The following TAFA2 variants were observed in gnomAD, a reference collection of about 807,000 sequenced individuals.
The protein encoded by TAFA2 is TAFA chemokine like family member 2, also known as chemokine-like protein TAFA-2.
A neutral mutation model predicts 18.8 loss-of-function variants in TAFA2; 7 were observed. That is an observed-to-expected ratio of 0.37 (90% CI 0.21 to 0.70). TAFA2 has a LOEUF of 0.70. Among genes scored for constraint, TAFA2 ranks in the 30% least tolerant of loss-of-function variants. The probability of loss-of-function intolerance (pLI) is 0.53; values close to 1 mark genes in which losing one functional copy is unlikely to be tolerated. For synonymous variants in TAFA2, 60 were observed against 54.2 expected (o/e 1.11, Z -0.47); for missense variants, 122 against 158.1 (o/e 0.77, Z 1.23).
intron 1 of TAFA2, among the ~76,000 whole-genome samples, chr12:62,054,694 C>T (rs1183027365): frequency 6.6e-6 from 1 of 152,186 alleles, no homozygotes; most frequent in African/African-American, 2.4e-5. Context: ...TGCTACTTTA[C>T]ATAAAACAAT....
chr12:61,967,374 A>G (rs928777673), intron 1 of TAFA2, among the ~76,000 whole-genome samples: 2 of 151,872 alleles, frequency 1.3e-5, no homozygotes, highest in African/African-American at 4.8e-5. Context: ...GAGCAAGGTC[A>G]AAGTCCTTAC....
At chr12:62,173,514 T>C (rs1424128249) in intron 1 of TAFA2, among the ~76,000 whole-genome samples, 1 of 152,196 alleles carries the variant, frequency 6.6e-6, no homozygotes, top group African/African-American at 2.4e-5. Context: ...CATTCTACAA[T>C]ATACCCCATC....
intron 1 of TAFA2, among the ~76,000 whole-genome samples, chr12:62,077,378 A>G (rs1211632946): frequency 6.6e-6 from 1 of 152,220 alleles, no homozygotes; most frequent in Non-Finnish European, 1.5e-5. Flanking sequence ...ATAAGAGTAA[A>G]TTAAAAATTA....
At chr12:62,225,231 A>G (rs904994749) in intron 1 of TAFA2, among the ~76,000 whole-genome samples, 1 of 152,230 alleles carries the variant, frequency 6.6e-6, no homozygotes, top group East Asian at 1.9e-4. Context: ...AAATTGATCA[A>G]ATATAATGAG....
Position 61,753,730 on chromosome 12 carries a change from C to G in TAFA2, c.276G>C (p.Gln92His), listed in dbSNP as rs1191327573. The change falls in exon 4 of 5, where the codon CAG becomes CAC. Residue 92 changes from glutamine (Q) to histidine (H), a missense_variant. Coordinates refer to ENST00000416284, the MANE Select transcript of TAFA2 (RefSeq NM_178539.5). ...PSCVDASIVE[Q>H]KWWCHMQPCL... is the part of the protein sequence containing the mutation. ...ATGGCTGCATATGGCACCACCATTT[C>G]TGTTCCACTATTGAAGCTATAAGAG... 3 of 1,611,356 alleles carry G rather than the reference C, an allele frequency of 1.9e-6. No individual in the cohort carries two copies. Among genetic ancestry groups the G allele is most frequent in the Non-Finnish European group, 2.5e-6 (3 of 1,178,616 alleles).
At chr12:61,856,959 A>G (rs1349348725) in intron 2 of TAFA2, among the ~76,000 whole-genome samples, 1 of 151,792 alleles carries the variant, frequency 6.6e-6, no homozygotes, top group East Asian at 1.9e-4. Flanking sequence ...ACACAAATCT[A>G]TAAATACAGT....
At chr12:62,141,907 A>T (rs939147816) in intron 1 of TAFA2, among the ~76,000 whole-genome samples, 1 of 152,204 alleles carries the variant, frequency 6.6e-6, no homozygotes, top group Non-Finnish European at 1.5e-5. Context: ...AAAACCACAA[A>T]CAAAATCTTC....
intron 1 of TAFA2, among the ~76,000 whole-genome samples, chr12:62,206,028 G>A (rs777004960): frequency 2.0e-5 from 3 of 151,948 alleles, no homozygotes; most frequent in Non-Finnish European, 4.4e-5. Context: ...GCTTTTCCTC[G>A]CTCTCCATGG....
chr12:62,008,820 C>T (rs1447788053), intron 1 of TAFA2, among the ~76,000 whole-genome samples: 1 of 152,128 alleles, frequency 6.6e-6, no homozygotes, highest in Admixed American at 6.5e-5. Context: ...TTATTGCCAA[C>T]ATTTTAGGCC....
chr12:62,072,777 C>A (rs1882666001), intron 1 of TAFA2, among the ~76,000 whole-genome samples: 1 of 152,052 alleles, frequency 6.6e-6, no homozygotes, highest in Non-Finnish European at 1.5e-5. Flanking sequence ...CAGAGTGAGA[C>A]CTTGTCTAAA....
chr12:62,173,964 G>A (rs2062495473), intron 1 of TAFA2, among the ~76,000 whole-genome samples: 1 of 152,176 alleles, frequency 6.6e-6, no homozygotes, highest in Non-Finnish European at 1.5e-5. Context: ...CAACACATAT[G>A]CAGTAGTTAA....
chr12:62,247,790 T>C (rs557290166), intron 1 of TAFA2, among the ~76,000 whole-genome samples: 111 of 152,084 alleles, frequency 7.3e-4, no homozygotes, highest in Non-Finnish European at 1.3e-3. Flanking sequence ...ATCAGGCAAA[T>C]GACACATTCA....
At chr12:61,877,945 A>G (rs1209130707) in intron 1 of TAFA2, 5 of 390,362 alleles carry the variant, frequency 1.3e-5, no homozygotes, top group East Asian at 1.4e-4. Context: ...ACACACATAC[A>G]TATACATATA....
intron 1 of TAFA2, among the ~76,000 whole-genome samples, chr12:61,884,689 A>T (rs1183122098): frequency 6.6e-6 from 1 of 152,154 alleles, no homozygotes; most frequent in Non-Finnish European, 1.5e-5. Flanking sequence ...ACTCCATATA[A>T]ATACAAAAGA....
intron 1 of TAFA2, among the ~76,000 whole-genome samples, chr12:62,182,129 T>G (rs917474038): frequency 2.6e-5 from 4 of 152,162 alleles, no homozygotes; most frequent in African/African-American, 9.7e-5. Flanking sequence ...AAAATTGACT[T>G]TGTATACTAG....
At chr12:61,876,649 C>T (rs1423910947) in intron 1 of TAFA2, among the ~76,000 whole-genome samples, 2 of 151,924 alleles carry the variant, frequency 1.3e-5, no homozygotes, top group South Asian at 2.1e-4. Context: ...CCTTCTAAAG[C>T]ACCAACATCA....
intron 1 of TAFA2, among the ~76,000 whole-genome samples, chr12:61,996,339 AC>A (rs57604020): frequency 0.16 from 23,834 of 151,882 alleles, 2,148 homozygotes; most frequent in East Asian, 0.26. Context: ...TCCTCCCACA[AC>A]CCTTTTTACT....
chr12:61,850,827 A>T (rs1873611866), intron 2 of TAFA2, among the ~76,000 whole-genome samples: 1 of 152,190 alleles, frequency 6.6e-6, no homozygotes, highest in Non-Finnish European at 1.5e-5. Flanking sequence ...ATGAAAATAT[A>T]GAGAGATGAC....
chr12:62,190,102 A>G (rs2062613051), intron 1 of TAFA2, among the ~76,000 whole-genome samples: 1 of 152,058 alleles, frequency 6.6e-6, no homozygotes, highest in Non-Finnish European at 1.5e-5. Flanking sequence ...AAACTCACGC[A>G]GCAAAGGTGA....
Sources: gnomAD v4.1 joint callset for allele counts (sites outside exome capture counted in the v4.1 genomes callset) on GRCh38, gnomAD v4.1.1 for gene constraint, MANE v1.5 for transcripts, NCBI Gene and HGNC (gene_info 2026-07-23, HGNC 2026-07-21) for gene names.